The following MGAT5 variants were observed in gnomAD, a reference collection of about 807,000 sequenced individuals.
MGAT5 encodes alpha-1,6-mannosylglycoprotein 6-beta-N-acetylglucosaminyltransferase.
MGAT5 carries 30 observed loss-of-function variants against 94.3 expected under a neutral mutation model. That is an observed-to-expected ratio of 0.32 (90% CI 0.24 to 0.43). The LOEUF is 0.43. Ranked by LOEUF, MGAT5 falls within the 20% of genes least tolerant of loss-of-function variation. The pLI, the probability that MGAT5 is intolerant of heterozygous loss-of-function variation, is 1.00. For synonymous variants in MGAT5, 310 were observed against 322.9 expected (o/e 0.96, Z 0.43); for missense variants, 691 against 905.5 (o/e 0.76, Z 3.04).
intron 14 of MGAT5, among the ~76,000 whole-genome samples, chr2:134,436,897 G>A (rs1685190940): frequency 6.6e-6 from 1 of 152,234 alleles, no homozygotes; most frequent in Non-Finnish European, 1.5e-5. Flanking sequence ...AAGGCTCCCA[G>A]TCTGCTCCTT....
intron 2 of MGAT5, among the ~76,000 whole-genome samples, chr2:134,290,337 G>A (rs192490690): frequency 6.6e-6 from 1 of 152,336 alleles, no homozygotes; most frequent in East Asian, 1.9e-4. Flanking sequence ...CCTAGCAAGA[G>A]CCACTCAGCT....
At chr2:134,395,802 T>A (rs1344073875) in intron 10 of MGAT5, among the ~76,000 whole-genome samples, 1 of 152,176 alleles carries the variant, frequency 6.6e-6, no homozygotes, top group African/African-American at 2.4e-5. Context: ...TAGAGAATAA[T>A]AAGTAAAGTG....
At chr2:134,138,214 C>T (rs1686506455) in intron 1 of MGAT5, among the ~76,000 whole-genome samples, 1 of 20,380 alleles carries the variant, frequency 4.9e-5, no homozygotes, top group Non-Finnish European at 1.4e-4. Flanking sequence ...CTATCATTGC[C>T]CTTTTTTTTT....
intron 2 of MGAT5, among the ~76,000 whole-genome samples, chr2:134,305,091 A>G (rs1686248542): frequency 1.8e-5 from 2 of 110,600 alleles, no homozygotes; most frequent in Middle Eastern, 8.1e-3. Flanking sequence ...TCTTTTATAC[A>G]TTCTCTCTGT....
At chr2:134,298,813 G>A (rs943770221) in intron 2 of MGAT5, among the ~76,000 whole-genome samples, 30 of 152,090 alleles carry the variant, frequency 2.0e-4, no homozygotes, top group African/African-American at 7.2e-4. Flanking sequence ...AGGAACCATG[G>A]GTTGGGATTG....
intron 1 of MGAT5, among the ~76,000 whole-genome samples, chr2:134,133,208 G>A (rs1686256392): frequency 6.6e-6 from 1 of 152,204 alleles, no homozygotes. Context: ...TTATATCTGA[G>A]CAGAATAAAA....
intron 6 of MGAT5, 75 bp from the exon 7 acceptor site, chr2:134,341,515 A>C: frequency 7.9e-7 from 1 of 1,270,634 alleles, no homozygotes; most frequent in East Asian, 2.6e-5. Context: ...GGATTGGTCA[A>C]TCATTTCTTG....
intron 4 of MGAT5, among the ~76,000 whole-genome samples, chr2:134,331,843 G>A (rs62168053): frequency 0.16 from 23,951 of 152,000 alleles, 2,066 homozygotes; most frequent in Middle Eastern, 0.36. Flanking sequence ...TGGTGGGTAG[G>A]ATTCCAACTT....
Position 134,338,393 on chromosome 2 carries a change from G to T in MGAT5, c.780G>T (p.Gln260His), listed in dbSNP as rs746608345. Residue 260 changes from glutamine to histidine, a missense_variant, in exon 6 of 16, where the codon CAG (glutamine) becomes CAT (histidine). By Grantham distance (24) the Gln-to-His change is conservative. Transcript: ENST00000281923. ...CAATCAAGTCCCTGGCAGAAAAGCA[G>T]AACCTTGAAAAGAGAAAGCGGAAGA... ...IQAIKSLAEK[Q>H]NLEKRKRKKV... The T allele has an allele frequency of 6.2e-7, 1 of 1,609,878 alleles. No homozygotes were observed. The highest frequency in any genetic ancestry group is 8.5e-7 in the Non-Finnish European group (1 of 1,178,450).
intron 2 of MGAT5, among the ~76,000 whole-genome samples, chr2:134,283,027 T>A (rs960818642): frequency 6.6e-6 from 1 of 151,430 alleles, no homozygotes; most frequent in Non-Finnish European, 1.5e-5. Flanking sequence ...GTATCATCTG[T>A]CATTTATGTT....
chr2:134,178,154 A>T (rs1388962410), intron 1 of MGAT5, among the ~76,000 whole-genome samples: 2 of 152,174 alleles, frequency 1.3e-5, no homozygotes, highest in African/African-American at 4.8e-5. Flanking sequence ...TCTAGGCAGG[A>T]AACTTTTAGG....
chr2:134,251,692 T>C (rs2105497009), upstream of MGAT5, among the ~76,000 whole-genome samples: 1 of 152,390 alleles, frequency 6.6e-6, no homozygotes. Context: ...AATCCACATA[T>C]ACATTGTGAA....
intron 10 of MGAT5, among the ~76,000 whole-genome samples, chr2:134,387,344 T>A (rs1682095567): frequency 9.5e-6 from 1 of 105,694 alleles, no homozygotes; most frequent in Admixed American, 1.0e-4. Flanking sequence ...TTTTTTTTTT[T>A]TTTTTTTTTA....
intron 2 of MGAT5, among the ~76,000 whole-genome samples, chr2:134,308,919 G>A (rs1309842498): frequency 6.6e-6 from 1 of 152,110 alleles, no homozygotes; most frequent in Non-Finnish European, 1.5e-5. Flanking sequence ...ATATTCAGTT[G>A]TGCAACCACC....
chr2:134,429,114 CTT>C (rs998400755), intron 14 of MGAT5, among the ~76,000 whole-genome samples: 14 of 152,302 alleles, frequency 9.2e-5, no homozygotes, highest in African/African-American at 3.4e-4. Context: ...AATATGAACT[CTT>C]TGACTAGATC....
At chr2:134,317,703 GCCCTT>G in intron 3 of MGAT5, 98 bp downstream of exon 3, 1 of 755,354 alleles carries the variant, frequency 1.3e-6, no homozygotes, top group Non-Finnish European at 2.0e-6. Flanking sequence ...GGGTGAGTGA[GCCCTT>G]GACATGGATC....
At chr2:134,425,578 G>A (rs528218185) in intron 13 of MGAT5, among the ~76,000 whole-genome samples, 28 of 152,250 alleles carry the variant, frequency 1.8e-4, no homozygotes, top group African/African-American at 6.5e-4. Context: ...AGTATATGGA[G>A]GAGCCGTGAC....
intron 1 of MGAT5, among the ~76,000 whole-genome samples, chr2:134,227,652 G>A (rs1681132750): frequency 2.0e-5 from 3 of 152,164 alleles, no homozygotes. Flanking sequence ...ATTCCTGGGT[G>A]TGACCTTGGG....
At chr2:134,125,167 C>T (rs890822376) in intron 1 of MGAT5, among the ~76,000 whole-genome samples, 4 of 152,156 alleles carry the variant, frequency 2.6e-5, no homozygotes, top group Non-Finnish European at 5.9e-5. Flanking sequence ...TCCACCTTCT[C>T]CGATTGGCAT....
Sources: allele counts gnomAD v4.1 joint callset (sites outside exome capture counted in the v4.1 genomes callset), GRCh38; gene constraint gnomAD v4.1.1; transcripts MANE v1.5; gene names NCBI Gene and HGNC (gene_info 2026-07-23, HGNC 2026-07-21).